RALGPS1: variants seen among roughly 807,000 people sequenced by gnomAD.
The protein encoded by RALGPS1 is ras-specific guanine nucleotide-releasing factor RalGPS1.
Under a neutral mutation model 78.8 loss-of-function variants are expected in RALGPS1, and 19 were observed. The observed-to-expected ratio is 0.24, with a 90% CI of 0.17 to 0.35. RALGPS1 has a LOEUF of 0.35. RALGPS1 is among the 10% of genes least tolerant of loss of function. The pLI, the probability that RALGPS1 is intolerant of heterozygous loss-of-function variation, is 1.00. For synonymous variants in RALGPS1, 228 were observed against 256.3 expected (o/e 0.89, Z 1.06); for missense variants, 454 against 688.3 (o/e 0.66, Z 3.81).
intron 3 of RALGPS1, among the ~76,000 whole-genome samples, chr9:126,969,337 A>C (rs900554958): frequency 1.3e-5 from 2 of 152,170 alleles, no homozygotes; most frequent in Non-Finnish European, 2.9e-5. Context: ...GAACTCCTGG[A>C]CTCAAGCCCT....
chr9:126,926,102 A>G (rs1480087010), intron 1 of RALGPS1, among the ~76,000 whole-genome samples: 1 of 152,220 alleles, frequency 6.6e-6, no homozygotes, highest in Non-Finnish European at 1.5e-5. Context: ...TTACTGAAAC[A>G]TTACCTGTGG....
chr9:127,013,377 C>CA (rs1311812646), intron 4 of RALGPS1, among the ~76,000 whole-genome samples: 5 of 152,098 alleles, frequency 3.3e-5, no homozygotes, highest in African/African-American at 4.8e-5. Flanking sequence ...CAGCATGCCC[C>CA]AAACCAAGCC....
intron 2 of RALGPS1, among the ~76,000 whole-genome samples, chr9:126,965,468 C>T (rs1267986412): frequency 6.6e-6 from 1 of 152,188 alleles, no homozygotes; most frequent in East Asian, 1.9e-4. Context: ...CACTAAACCA[C>T]TGGCCAGAGA....
intron 1 of RALGPS1, among the ~76,000 whole-genome samples, chr9:126,931,595 C>G (rs2035793259): frequency 6.6e-6 from 1 of 152,098 alleles, no homozygotes; most frequent in Admixed American, 6.5e-5. Flanking sequence ...AACGTAGATT[C>G]ATAGTTGCTG....
chr9:127,088,811 CAG>C, intron 8 of RALGPS1: 1 of 1,112,446 alleles, frequency 9.0e-7, no homozygotes, highest in East Asian at 2.4e-5. Flanking sequence ...CTTCGGAAAA[CAG>C]AATCCAGCAT....
At chr9:127,129,852 C>T (rs748940450) in intron 8 of RALGPS1, among the ~76,000 whole-genome samples, 1 of 152,216 alleles carries the variant, frequency 6.6e-6, no homozygotes, top group Non-Finnish European at 1.5e-5. Flanking sequence ...CAGAGGCCTG[C>T]AACCCTGGAG....
chr9:127,214,413 T>C (rs915599862), intron 17 of RALGPS1, among the ~76,000 whole-genome samples: 2 of 152,242 alleles, frequency 1.3e-5, no homozygotes, highest in African/African-American at 4.8e-5. Flanking sequence ...GAAGCACCTA[T>C]AGAATTATAC....
At chr9:127,019,034 T>C (rs2045184199) in intron 4 of RALGPS1, among the ~76,000 whole-genome samples, 1 of 152,128 alleles carries the variant, frequency 6.6e-6, no homozygotes, top group African/African-American at 2.4e-5. Context: ...TTTTAAAACA[T>C]GGTATTTGAG....
intron 8 of RALGPS1, among the ~76,000 whole-genome samples, chr9:127,078,494 G>A (rs936249998): frequency 1.3e-5 from 2 of 152,206 alleles, no homozygotes; most frequent in Admixed American, 1.3e-4. Context: ...GTTCCACCCA[G>A]CCTTAACTTA....
intron 7 of RALGPS1, among the ~76,000 whole-genome samples, chr9:127,068,841 G>C (rs1173762813): frequency 6.6e-6 from 1 of 152,142 alleles, no homozygotes; most frequent in Non-Finnish European, 1.5e-5. Flanking sequence ...TGCAAATCAA[G>C]GTGCAGATTA....
intron 8 of RALGPS1, among the ~76,000 whole-genome samples, chr9:127,117,115 T>C (rs2055514407): frequency 6.6e-6 from 1 of 152,252 alleles, no homozygotes; most frequent in South Asian, 2.1e-4. Flanking sequence ...CTGTGCTTCC[T>C]GCCTCGAGTA....
chr9:127,029,355 T>C (rs1382720646), intron 4 of RALGPS1, among the ~76,000 whole-genome samples: 1 of 152,148 alleles, frequency 6.6e-6, no homozygotes, highest in African/African-American at 2.4e-5. Context: ...GTTTCAGAAC[T>C]CCTTTGGTTA....
At chr9:126,982,428 C>T (rs992218601) in intron 4 of RALGPS1, among the ~76,000 whole-genome samples, 8 of 152,102 alleles carry the variant, frequency 5.3e-5, no homozygotes, top group Non-Finnish European at 7.3e-5. Context: ...AGAGTACCTC[C>T]GTCATAGGGT....
chr9:126,958,140 A>ATAAATAAAT (rs1181506015), intron 1 of RALGPS1, among the ~76,000 whole-genome samples: 1 of 79,892 alleles, frequency 1.3e-5, no homozygotes, highest in African/African-American at 3.6e-5. Flanking sequence ...AAAAAAAAAA[A>ATAAATAAAT]AAATATATAT....
At position 127,113,189 on chromosome 9, in the gene RALGPS1, T is replaced by C. The variant is rs531271819; in HGVS notation, c.610+43833T>C. ...AATCCGGTGGGTTGTTATTCACCCCTGTTTTATCAACGGAGACATTGCAAC... is the reference window on the plus strand; with the variant it reads ...AATCCGGTGGGTTGTTATTCACCCCCGTTTTATCAACGGAGACATTGCAAC... On this transcript the variant is annotated intron_variant, in intron 8 of 18. Transcript: ENST00000259351. Among the ~76,000 whole-genome samples the C allele has an allele frequency of 2.6e-5, 4 of 152,270 alleles. No homozygotes were observed. In the South Asian group the frequency reaches 8.3e-4, roughly 32 times the overall value.
chr9:127,130,531 A>G (rs926273947), intron 8 of RALGPS1, among the ~76,000 whole-genome samples: 1 of 152,240 alleles, frequency 6.6e-6, no homozygotes, highest in African/African-American at 2.4e-5. Context: ...TTAGTCAAAG[A>G]AGTATTTCTC....
intron 8 of RALGPS1, among the ~76,000 whole-genome samples, chr9:127,152,835 C>G (rs2058497898): frequency 6.6e-6 from 1 of 152,302 alleles, no homozygotes; most frequent in East Asian, 1.9e-4. Flanking sequence ...AATTTTTTCT[C>G]AAGTAACTTC....
At chr9:127,214,112 A>T (rs909685185) in intron 17 of RALGPS1, 2 of 152,252 alleles carry the variant, frequency 1.3e-5, no homozygotes, top group African/African-American at 4.8e-5. Context: ...CCGGATTAGC[A>T]GTGGTTTCTT....
At chr9:127,021,332 T>A (rs1372288994) in intron 4 of RALGPS1, among the ~76,000 whole-genome samples, 1 of 151,920 alleles carries the variant, frequency 6.6e-6, no homozygotes, top group Admixed American at 6.6e-5. Flanking sequence ...TGAAACCCCG[T>A]CTCTACTAAA....
Sources: gnomAD v4.1 joint callset for allele counts (sites outside exome capture counted in the v4.1 genomes callset) on GRCh38, gnomAD v4.1.1 for gene constraint, MANE v1.5 for transcripts, NCBI Gene and HGNC (gene_info 2026-07-23, HGNC 2026-07-21) for gene names.